The following SNAP25 variants were observed in gnomAD, a reference collection of about 807,000 sequenced individuals.
SNAP25 encodes synaptosome associated protein 25.
A neutral mutation model predicts 28.7 loss-of-function variants in SNAP25; 3 were observed. The observed-to-expected ratio is 0.10, with a 90% CI of 0.05 to 0.27. SNAP25 has a LOEUF of 0.27. SNAP25 is among the 10% of genes least tolerant of loss of function. The pLI, the probability that SNAP25 is intolerant of heterozygous loss-of-function variation, is 1.00. For missense variants in SNAP25, 117 were observed against 278.7 expected, an observed-to-expected ratio of 0.42 and a Z score of 4.13; for synonymous variants, 61 against 88.1, an observed-to-expected ratio of 0.69 and a Z score of 1.72.
At chr20:10,262,108 G>A (rs1383620554) in intron 1 of SNAP25, among the ~76,000 whole-genome samples, 1 of 152,166 alleles carries the variant, frequency 6.6e-6, no homozygotes, top group Non-Finnish European at 1.5e-5. Context: ...GAAAAAAGTA[G>A]AGTTTTAGTT....
intron 7 of SNAP25, among the ~76,000 whole-genome samples, chr20:10,300,464 G>T (rs1307388319): frequency 6.6e-6 from 1 of 152,168 alleles, no homozygotes; most frequent in Non-Finnish European, 1.5e-5. Context: ...CTTATGTTGT[G>T]TGTTTATTCC....
chr20:10,240,416 C>T lies in SNAP25; in HGVS notation c.-64+21439C>T, dbSNP rs183739513. On this transcript the variant is annotated intron_variant, in intron 1 of 7. Coordinates refer to ENST00000254976, the MANE Select transcript of SNAP25 (RefSeq NM_130811.4). ...ATACACGCAGGATCCATTTACGTTT[C>T]CCTAATATCATAGCTAATCACAGAA... Among the ~76,000 whole-genome samples, 89 of 152,308 alleles carry T rather than the reference C, an allele frequency of 5.8e-4. 1 individual carries two copies. The highest frequency in any genetic ancestry group is 2.0e-3 in the African/African-American group (83 of 41,572).
At chr20:10,303,283 CA>C (rs1188095691) in intron 7 of SNAP25, among the ~76,000 whole-genome samples, 1 of 152,012 alleles carries the variant, frequency 6.6e-6, no homozygotes, top group Admixed American at 6.6e-5. Context: ...AACCTGAGGT[CA>C]AAAATGTGAG....
chr20:10,243,223 A>C (rs753609138), intron 1 of SNAP25, among the ~76,000 whole-genome samples: 25 of 152,238 alleles, frequency 1.6e-4, no homozygotes, highest in Non-Finnish European at 2.9e-4. Context: ...CTTTTTAAAT[A>C]AACTTTTTAT....
intron 2 of SNAP25, among the ~76,000 whole-genome samples, chr20:10,276,369 C>A (rs1320872389): frequency 6.6e-6 from 1 of 152,132 alleles, no homozygotes; most frequent in East Asian, 1.9e-4. Flanking sequence ...CAGGACTTGA[C>A]TTATTGTTTT....
chr20:10,247,898 G>C (rs1435258754), intron 1 of SNAP25, among the ~76,000 whole-genome samples: 1 of 152,206 alleles, frequency 6.6e-6, no homozygotes, highest in African/African-American at 2.4e-5. Context: ...TAAGTCAGCA[G>C]TTTGGGCTGA....
At chr20:10,227,537 A>C (rs1165017942) in intron 1 of SNAP25, among the ~76,000 whole-genome samples, 1 of 152,180 alleles carries the variant, frequency 6.6e-6, no homozygotes, top group Non-Finnish European at 1.5e-5. Context: ...ATATTGGAAT[A>C]AAATTATGTC....
chr20:10,227,684 A>T (rs1317454006), intron 1 of SNAP25, among the ~76,000 whole-genome samples: 2 of 152,156 alleles, frequency 1.3e-5, no homozygotes, highest in South Asian at 4.1e-4. Flanking sequence ...CAATAAAGGC[A>T]TTGCTAAAAT....
At chr20:10,299,505 C>T (rs1279721500) in intron 7 of SNAP25, 93 bp downstream of exon 7, 12 of 1,314,836 alleles carry the variant, frequency 9.1e-6, no homozygotes, top group East Asian at 2.6e-5. Flanking sequence ...CCTCAAAACA[C>T]GACCTTGGAT....
intron 3 of SNAP25, among the ~76,000 whole-genome samples, chr20:10,279,822 A>G (rs1253699319): frequency 6.6e-6 from 1 of 152,228 alleles, no homozygotes; most frequent in Non-Finnish European, 1.5e-5. Context: ...TAGACTTTCC[A>G]TGCTTAGGAA....
At chr20:10,259,482 G>A (rs2063374561) in intron 1 of SNAP25, among the ~76,000 whole-genome samples, 1 of 152,188 alleles carries the variant, frequency 6.6e-6, no homozygotes, top group South Asian at 2.1e-4. Flanking sequence ...TCTTGTGGGT[G>A]CAATTAGATT....
At chr20:10,298,697 C>T (rs781190284) in intron 6 of SNAP25, among the ~76,000 whole-genome samples, 81 of 152,236 alleles carry the variant, frequency 5.3e-4, no homozygotes, top group Non-Finnish European at 9.3e-4. Flanking sequence ...CCTTGGAGTT[C>T]CTGGGAGCAA....
At chr20:10,231,351 A>C (rs363025) in intron 1 of SNAP25, 1 of 152,138 alleles carries the variant, frequency 6.6e-6, no homozygotes, top group South Asian at 2.1e-4. Flanking sequence ...AGATTTTTAA[A>C]TTGTATTTTC....
At chr20:10,229,021 A>C (rs2062780583) in intron 1 of SNAP25, among the ~76,000 whole-genome samples, 1 of 152,046 alleles carries the variant, frequency 6.6e-6, no homozygotes, top group Non-Finnish European at 1.5e-5. Flanking sequence ...GAATGACCTC[A>C]TGTTTCTCAG....
At chr20:10,292,336 G>A (rs1433732672) in intron 4 of SNAP25, among the ~76,000 whole-genome samples, 2 of 152,146 alleles carry the variant, frequency 1.3e-5, no homozygotes, top group Non-Finnish European at 2.9e-5. Context: ...TGCAGACCAT[G>A]GCTACCTCTG....
chr20:10,222,819 A>G (rs1233517286), intron 1 of SNAP25, among the ~76,000 whole-genome samples: 1 of 152,222 alleles, frequency 6.6e-6, no homozygotes, highest in Non-Finnish European at 1.5e-5. Flanking sequence ...ATATACCTAC[A>G]TAGACATATA....
At chr20:10,232,889 G>GC (rs763672159) in intron 1 of SNAP25, among the ~76,000 whole-genome samples, 5 of 152,064 alleles carry the variant, frequency 3.3e-5, no homozygotes, top group Non-Finnish European at 7.4e-5. Flanking sequence ...TGATTTTTAT[G>GC]CCCCTTTCCC....
chr20:10,255,509 G>T (rs1355212907), intron 1 of SNAP25, among the ~76,000 whole-genome samples: 1 of 152,086 alleles, frequency 6.6e-6, no homozygotes, highest in East Asian at 1.9e-4. Flanking sequence ...TTCTGGGGTG[G>T]GAATTCACTG....
At chr20:10,219,613 G>T (rs1172159688) in intron 1 of SNAP25, 5 of 152,176 alleles carry the variant, frequency 3.3e-5, no homozygotes, top group African/African-American at 1.2e-4. Flanking sequence ...GGACTGCGGC[G>T]GCCCGCGCTC....
Sources: gnomAD v4.1 joint callset for allele counts (sites outside exome capture counted in the v4.1 genomes callset) on GRCh38, gnomAD v4.1.1 for gene constraint, MANE v1.5 for transcripts, NCBI Gene and HGNC (gene_info 2026-07-23, HGNC 2026-07-21) for gene names.